The following NAALADL2 variants were observed in gnomAD, a reference collection of about 807,000 sequenced individuals.
NAALADL2 encodes the protein inactive N-acetylated-alpha-linked acidic dipeptidase-like protein 2.
In NAALADL2, 76 loss-of-function variants were observed where a neutral mutation model predicts 87.2. That is an observed-to-expected ratio of 0.87 (90% confidence interval 0.72 to 1.05). The LOEUF is 1.05. Among genes scored for constraint, NAALADL2 ranks in the 50% least tolerant of loss-of-function variants. NAALADL2 has a pLI of 0.00. For missense variants in NAALADL2, 1,089 were observed against 945.8 expected, an observed-to-expected ratio of 1.15 and a Z score of -1.99; for synonymous variants, 354 against 331.0, an observed-to-expected ratio of 1.07 and a Z score of -0.75.
At chr3:174,813,526 G>A (rs1370576473) in intron 3 of NAALADL2, among the ~76,000 whole-genome samples, 2 of 152,188 alleles carry the variant, frequency 1.3e-5, no homozygotes, top group Non-Finnish European at 2.9e-5. Flanking sequence ...TGTAGTTTAG[G>A]TAGTTAGTAA....
intron 1 of NAALADL2, among the ~76,000 whole-genome samples, chr3:175,032,764 A>C (rs1274808557): frequency 6.6e-6 from 1 of 152,022 alleles, no homozygotes; most frequent in Non-Finnish European, 1.5e-5. Context: ...TCTCCATAGC[A>C]CTTTCACTAC....
At position 175,466,946 on chromosome 3, in the gene NAALADL2, T is replaced by A. The variant is rs753516188; in HGVS notation, c.1328-33T>A. On this transcript the variant is annotated intron_variant, in intron 7 of 13. Transcript: ENST00000454872. ...AAATTTATTGTTAAGGTTTACATTT[T>A]TTTAAATGGCTCTTGTCCCTTTCTA... 3.6e-5 allele frequency: 55 copies of A among 1,523,618 alleles called. No individual in the cohort carries two copies. In the South Asian group the frequency reaches 5.6e-4, roughly 16 times the overall value. 94.4% of individuals were successfully genotyped at this position (1,523,618 alleles called of 1,614,324 possible). A position where few individuals can be genotyped will look rare whatever the true frequency, so the allele number is the denominator to read the frequency against.
intron 1 of NAALADL2, among the ~76,000 whole-genome samples, chr3:174,912,492 C>T (rs536513430): frequency 1.3e-5 from 2 of 152,206 alleles, no homozygotes; most frequent in East Asian, 3.9e-4. Flanking sequence ...CATTGGAATC[C>T]TAGGTAACCA....
Position 174,793,270 on chromosome 3 carries a change from T to G in NAALADL2, c.-9+55524T>G, listed in dbSNP as rs1318257357. Reference sequence around the variant, plus strand: ...TAAATACTCTCTATTGGGGTTCATATATATAAAAACTGAATTGAAATGGAT... The same window carrying G: ...TAAATACTCTCTATTGGGGTTCATAGATATAAAAACTGAATTGAAATGGAT... On this transcript the variant is annotated intron_variant, in intron 3 of 3. Transcript: ENST00000434257. Among the ~76,000 whole-genome samples the G allele has an allele frequency of 5.3e-5, 8 of 152,144 alleles. 1 individual carries two copies. The highest frequency in any genetic ancestry group is 8.8e-5 in the Non-Finnish European group (6 of 68,016).
chr3:174,985,036 T>G (rs2108674214), intron 1 of NAALADL2, among the ~76,000 whole-genome samples: 1 of 152,328 alleles, frequency 6.6e-6, no homozygotes, highest in African/African-American at 2.4e-5. Flanking sequence ...GAAAGTGTTT[T>G]GAGAAATCTA....
At chr3:175,466,835 G>A in intron 7 of NAALADL2, 144 bp from the exon 8 acceptor site, 2 of 669,212 alleles carry the variant, frequency 3.0e-6, no homozygotes, top group East Asian at 5.3e-5. Flanking sequence ...AAGACAGTGA[G>A]CAAAAAAATT....
intron 1 of NAALADL2, among the ~76,000 whole-genome samples, chr3:174,475,030 G>A (rs1717132828): frequency 6.6e-6 from 1 of 151,838 alleles, no homozygotes; most frequent in Non-Finnish European, 1.5e-5. Flanking sequence ...TGAGGAGGGA[G>A]ATAATCTTTG....
chr3:174,640,638 G>T (rs557502635), intron 2 of NAALADL2, among the ~76,000 whole-genome samples: 2 of 152,204 alleles, frequency 1.3e-5, no homozygotes, highest in Admixed American at 6.5e-5. Context: ...GGAAGGCTTG[G>T]ATAGAGCCAA....
chr3:175,503,529 T>C (rs1432759290), intron 9 of NAALADL2, among the ~76,000 whole-genome samples: 1 of 152,212 alleles, frequency 6.6e-6, no homozygotes, highest in Non-Finnish European at 1.5e-5. Flanking sequence ...GTGGCTGAAC[T>C]AATTTACATT....
intron 5 of NAALADL2, among the ~76,000 whole-genome samples, chr3:175,381,841 G>A (rs1043597770): frequency 2.8e-4 from 42 of 152,280 alleles, no homozygotes; most frequent in Non-Finnish European, 4.7e-4. Context: ...TTGGGACAGT[G>A]AGAACAGCCA....
chr3:175,634,946 A>G (rs16826073), intron 11 of NAALADL2, among the ~76,000 whole-genome samples: 38,863 of 151,890 alleles, frequency 0.26, 5,580 homozygotes, highest in African/African-American at 0.4. Context: ...TGTATTTTCA[A>G]TGCGAAGGTT....
chr3:175,413,046 G>T (rs1283832768), intron 5 of NAALADL2, among the ~76,000 whole-genome samples: 3 of 149,254 alleles, frequency 2.0e-5, no homozygotes, highest in Non-Finnish European at 4.5e-5. Context: ...AGCTTCCCAC[G>T]CCCGGTTAAT....
intron 3 of NAALADL2, among the ~76,000 whole-genome samples, chr3:174,814,772 A>C (rs1026733125): frequency 2.0e-5 from 3 of 152,220 alleles, no homozygotes; most frequent in Non-Finnish European, 2.9e-5. Context: ...TATAAACCAC[A>C]TGGCCTTCCA....
chr3:175,548,912 T>G (rs753309015), intron 9 of NAALADL2, among the ~76,000 whole-genome samples: 6 of 152,004 alleles, frequency 3.9e-5, no homozygotes, highest in Non-Finnish European at 8.8e-5. Context: ...GAATCAAAGT[T>G]TCATAGTTTG....
chr3:174,843,098 G>A (rs1560279315), intron 3 of NAALADL2, among the ~76,000 whole-genome samples: 1 of 152,016 alleles, frequency 6.6e-6, no homozygotes, highest in African/African-American at 2.4e-5. Flanking sequence ...TATCATTTCT[G>A]TATAGTAAGA....
chr3:174,840,411 C>G (rs1383656661), intron 3 of NAALADL2, among the ~76,000 whole-genome samples: 1 of 152,018 alleles, frequency 6.6e-6, no homozygotes, highest in African/African-American at 2.4e-5. Flanking sequence ...CATGTTTGCC[C>G]TCTATAGTTT....
At chr3:174,982,357 A>G (rs1207095845) in intron 1 of NAALADL2, among the ~76,000 whole-genome samples, 1 of 144,078 alleles carries the variant, frequency 6.9e-6, no homozygotes, top group Non-Finnish European at 1.5e-5. Flanking sequence ...AGTATAACTT[A>G]AAAAAAAAAG....
chr3:175,523,814 C>A (rs1328011422), intron 9 of NAALADL2, among the ~76,000 whole-genome samples: 1 of 152,086 alleles, frequency 6.6e-6, no homozygotes, highest in Non-Finnish European at 1.5e-5. Flanking sequence ...CGGTATGAGT[C>A]AGGGTGGAGC....
At chr3:174,478,871 C>T (rs567165564) in intron 1 of NAALADL2, among the ~76,000 whole-genome samples, 1 of 152,186 alleles carries the variant, frequency 6.6e-6, no homozygotes, top group African/African-American at 2.4e-5. Context: ...GCCACCACAC[C>T]CAGCTAATTT....
Sources: allele counts gnomAD v4.1 joint callset (sites outside exome capture counted in the v4.1 genomes callset), GRCh38; gene constraint gnomAD v4.1.1; transcripts MANE v1.5; gene names NCBI Gene and HGNC (gene_info 2026-07-23, HGNC 2026-07-21).